CACNA1C: variants seen among roughly 807,000 people sequenced by gnomAD.
The protein encoded by CACNA1C is voltage-dependent L-type calcium channel subunit alpha-1C.
A neutral mutation model predicts 229.0 loss-of-function variants in CACNA1C; 30 were observed. The ratio of observed to expected loss-of-function variants is 0.13; its 90% CI spans 0.10 to 0.18. The LOEUF is 0.18. Ranked by LOEUF, CACNA1C falls within the 10% of genes least tolerant of loss-of-function variation. The pLI is 1.00. For missense variants in CACNA1C, 1,658 were observed against 2,845.0 expected, an observed-to-expected ratio of 0.58 and a Z score of 9.49; for synonymous variants, 1,114 against 1,132.5, an observed-to-expected ratio of 0.98 and a Z score of 0.33.
In CACNA1C at chr12:2,688,758, T is replaced by C. The variant is rs530955089; in HGVS notation, c.6096T>C (p.Ser2032=). Residue 2032 remains serine, a synonymous_variant, in exon 46 of 47, where the codon AGT becomes AGC. Coordinates refer to ENST00000399655, the MANE Select transcript of CACNA1C (RefSeq NM_000719.7). ...AGAPGRQFHG[S]ASSLVEAVLI... ...CCCCAGGGAGGCAGTTCCACGGCAG[T>C]GCCAGCAGCCTGGTGGAAGCGGTAG... The C allele has an allele frequency of 1.5e-5, 23 of 1,563,238 alleles. No individual in the cohort carries two copies. Among genetic ancestry groups the C allele is most frequent in the Non-Finnish European group, 1.9e-5 (22 of 1,154,982 alleles).
At chr12:2,380,083 T>C (rs1361107760) in intron 3 of CACNA1C, among the ~76,000 whole-genome samples, 1 of 151,268 alleles carries the variant, frequency 6.6e-6, no homozygotes, top group Non-Finnish European at 1.5e-5. Context: ...ACAGGTCCCC[T>C]GGTTCCCATC....
At chr12:2,650,749 G>C (rs2153650187) in intron 31 of CACNA1C, among the ~76,000 whole-genome samples, 1 of 152,252 alleles carries the variant, frequency 6.6e-6, no homozygotes, top group South Asian at 2.1e-4. Context: ...AGCACCTCCA[G>C]TCACCTTGGC....
intron 3 of CACNA1C, among the ~76,000 whole-genome samples, chr12:2,182,183 A>C (rs1044379256): frequency 1.3e-5 from 2 of 151,682 alleles, no homozygotes; most frequent in East Asian, 3.9e-4. Context: ...AACCCATGTA[A>C]TCTTCTTCAG....
intron 1 of CACNA1C, among the ~76,000 whole-genome samples, chr12:2,045,514 G>A (rs2050891475): frequency 6.6e-6 from 1 of 152,204 alleles, no homozygotes; most frequent in Admixed American, 6.5e-5. Flanking sequence ...GAGGGTGATT[G>A]ACTGAAAGGA....
intron 3 of CACNA1C, among the ~76,000 whole-genome samples, chr12:2,263,163 T>C (rs928653480): frequency 6.6e-6 from 1 of 151,856 alleles, no homozygotes; most frequent in Non-Finnish European, 1.5e-5. Context: ...GTGCTGTGGA[T>C]CTGGGGAGAG....
intron 2 of CACNA1C, among the ~76,000 whole-genome samples, chr12:2,119,929 G>A (rs1259061792): frequency 6.6e-6 from 1 of 152,274 alleles, no homozygotes; most frequent in Non-Finnish European, 1.5e-5. Context: ...GTTCCAGGTG[G>A]GCGTGGGCCC....
At chr12:2,619,123 G>A (rs893482618) in intron 29 of CACNA1C, among the ~76,000 whole-genome samples, 2 of 152,180 alleles carry the variant, frequency 1.3e-5, no homozygotes, top group African/African-American at 2.4e-5. Flanking sequence ...AGGAAGCCTA[G>A]ATCCCACCTC....
At chr12:2,671,928 C>G (rs974965996) in intron 38 of CACNA1C, among the ~76,000 whole-genome samples, 5 of 150,342 alleles carry the variant, frequency 3.3e-5, no homozygotes, top group Non-Finnish European at 7.4e-5. Context: ...CGAAACGCCC[C>G]CACCCAAGGG....
chr12:2,142,653 A>G (rs1290774820), intron 3 of CACNA1C, among the ~76,000 whole-genome samples: 2 of 151,258 alleles, frequency 1.3e-5, no homozygotes, highest in Non-Finnish European at 3.0e-5. Flanking sequence ...GTGGCACAAG[A>G]TGTGGAAGAC....
At chr12:2,642,135 T>G (rs897193359) in intron 30 of CACNA1C, among the ~76,000 whole-genome samples, 1 of 152,190 alleles carries the variant, frequency 6.6e-6, no homozygotes, top group Non-Finnish European at 1.5e-5. Context: ...ACCTGTTTTT[T>G]TATAGGCATC....
At chr12:2,256,392 A>G (rs924403900) in intron 3 of CACNA1C, among the ~76,000 whole-genome samples, 1 of 152,248 alleles carries the variant, frequency 6.6e-6, no homozygotes, top group African/African-American at 2.4e-5. Context: ...CTACGTTGCT[A>G]GAAAAGCCCT....
intron 13 of CACNA1C, among the ~76,000 whole-genome samples, chr12:2,572,492 TCC>T (rs1491096895): frequency 4.4e-5 from 4 of 90,326 alleles, no homozygotes; most frequent in African/African-American, 8.8e-5. Context: ...TTCCTCCTCC[TCC>T]TCCTCTCCTG....
intron 3 of CACNA1C, among the ~76,000 whole-genome samples, chr12:2,338,589 T>A (rs1593266657): frequency 1.3e-5 from 2 of 151,148 alleles, no homozygotes; most frequent in East Asian, 4.0e-4. Flanking sequence ...TTTTGGCAGA[T>A]GCCATTCTTT....
chr12:2,120,546 G>A, intron 3 of CACNA1C, 116 bp downstream of exon 3: 1 of 732,748 alleles, frequency 1.4e-6, no homozygotes, highest in Non-Finnish European at 2.5e-6. Flanking sequence ...ATGTGCAGGA[G>A]CCCTGCAGAG....
intron 5 of CACNA1C, among the ~76,000 whole-genome samples, chr12:2,477,604 C>T (rs114410797): frequency 0.013 from 1,986 of 152,224 alleles, 51 homozygotes; most frequent in African/African-American, 0.045. Flanking sequence ...TGGGTTCAGT[C>T]GATGGGGAGC....
At chr12:2,173,158 A>T (rs546523379) in intron 3 of CACNA1C, among the ~76,000 whole-genome samples, 7 of 152,110 alleles carry the variant, frequency 4.6e-5, no homozygotes, top group African/African-American at 1.4e-4. Context: ...GCCCTGAGAG[A>T]TGTAGTGGGA....
chr12:2,137,334 A>G (rs2093638869), intron 3 of CACNA1C, among the ~76,000 whole-genome samples: 1 of 150,760 alleles, frequency 6.6e-6, no homozygotes, highest in South Asian at 2.1e-4. Flanking sequence ...AATAATTCCT[A>G]CCTCACTGAG....
At chr12:2,004,499 G>A (rs1333555965) in intron 1 of CACNA1C, 8 of 1,522,696 alleles carry the variant, frequency 5.3e-6, no homozygotes, top group East Asian at 4.6e-5. Context: ...CAGAACGAGC[G>A]AGCTGCCTCG....
At chr12:2,362,886 T>C (rs1418862015) in intron 3 of CACNA1C, among the ~76,000 whole-genome samples, 2 of 152,188 alleles carry the variant, frequency 1.3e-5, no homozygotes, top group African/African-American at 4.8e-5. Flanking sequence ...AGGAGAGCCT[T>C]CCTCTGACCC....
Sources: gnomAD v4.1 joint callset for allele counts (sites outside exome capture counted in the v4.1 genomes callset) on GRCh38, gnomAD v4.1.1 for gene constraint, MANE v1.5 for transcripts, NCBI Gene and HGNC (gene_info 2026-07-23, HGNC 2026-07-21) for gene names.